The following DNAJC5B variants were observed in gnomAD, a reference collection of about 807,000 sequenced individuals.
DNAJC5B encodes dnaJ homolog subfamily C member 5B.
DNAJC5B carries 23 observed loss-of-function variants against 24.7 expected under a neutral mutation model. The observed-to-expected ratio is 0.93, with a 90% CI of 0.67 to 1.32. DNAJC5B has a LOEUF of 1.32. DNAJC5B is among the 40% of genes most tolerant of loss of function. The probability of loss-of-function intolerance (pLI) is 0.00; values close to 1 mark genes in which losing one functional copy is unlikely to be tolerated. For synonymous variants in DNAJC5B, 101 were observed against 90.1 expected (o/e 1.12, Z -0.68); for missense variants, 238 against 240.8 (o/e 0.99, Z 0.08).
At chr8:66,057,508 G>GTAC (rs780676911) in intron 3 of DNAJC5B, 3 of 152,158 alleles carry the variant, frequency 2.0e-5, no homozygotes, top group South Asian at 2.1e-4. Flanking sequence ...GACTAAAAGA[G>GTAC]TACTAAAAGA....
intron 1 of DNAJC5B, among the ~76,000 whole-genome samples, chr8:66,031,853 C>CCCA (rs1806367273): frequency 6.6e-6 from 1 of 152,204 alleles, no homozygotes; most frequent in Admixed American, 6.5e-5. Flanking sequence ...ACCCAAAACA[C>CCCA]CCACGCAGAC....
At chr8:66,091,803 G>A (rs1807854438) in intron 5 of DNAJC5B, among the ~76,000 whole-genome samples, 1 of 152,050 alleles carries the variant, frequency 6.6e-6, no homozygotes, top group African/African-American at 2.4e-5. Flanking sequence ...AAAATATAGA[G>A]GGGAGGTGAA....
intron 1 of DNAJC5B, among the ~76,000 whole-genome samples, chr8:66,041,382 G>A (rs1586073070): frequency 6.6e-6 from 1 of 152,268 alleles, no homozygotes; most frequent in Admixed American, 6.5e-5. Flanking sequence ...TAATTGATCT[G>A]GTACCTGCTG....
chr8:66,020,398 A>G (rs1165322841), upstream of DNAJC5B, among the ~76,000 whole-genome samples: 2 of 152,232 alleles, frequency 1.3e-5, no homozygotes, highest in African/African-American at 2.4e-5. Flanking sequence ...TTAAAGCACA[A>G]TTCTCTGACT....
intron 1 of DNAJC5B, among the ~76,000 whole-genome samples, chr8:66,032,288 A>G (rs754897207): frequency 3.9e-5 from 6 of 152,168 alleles, no homozygotes; most frequent in African/African-American, 1.4e-4. Flanking sequence ...GCTGGCCAAC[A>G]CTCAGGGCAG....
intron 1 of DNAJC5B, among the ~76,000 whole-genome samples, chr8:66,032,776 C>A (rs569755831): frequency 6.6e-6 from 1 of 152,230 alleles, no homozygotes; most frequent in African/African-American, 2.4e-5. Context: ...TGCTCCTCAT[C>A]GCTTGATACA....
At chr8:66,045,554 A>C (rs2128958797) in intron 2 of DNAJC5B, among the ~76,000 whole-genome samples, 1 of 152,326 alleles carries the variant, frequency 6.6e-6, no homozygotes, top group Non-Finnish European at 1.5e-5. Context: ...AAACTCTTCG[A>C]GAAATGGAAT....
At chr8:66,097,857 CT>C (rs1048934191) in intron 5 of DNAJC5B, among the ~76,000 whole-genome samples, 1 of 151,164 alleles carries the variant, frequency 6.6e-6, no homozygotes, top group Non-Finnish European at 1.5e-5. Flanking sequence ...CTTGTCTTTT[CT>C]TTTTTTTTGA....
chr8:66,016,341 C>G, the DNAJC5B span, among the ~76,000 whole-genome samples: 5 of 152,172 alleles, frequency 3.3e-5, no homozygotes, highest in South Asian at 1.0e-3. Flanking sequence ...GGTGGTTTCC[C>G]TTATGCTGTT....
intron 3 of DNAJC5B, among the ~76,000 whole-genome samples, chr8:66,066,179 G>A (rs757980922): frequency 1.3e-5 from 2 of 152,126 alleles, no homozygotes; most frequent in African/African-American, 4.8e-5. Context: ...CCACAATGAG[G>A]TATCGCCTTA....
chr8:66,032,124 A>G (rs1806372661), intron 1 of DNAJC5B, among the ~76,000 whole-genome samples: 1 of 152,262 alleles, frequency 6.6e-6, no homozygotes, highest in African/African-American at 2.4e-5. Flanking sequence ...CAGCACAGCT[A>G]GTAAATGGCA....
At chr8:66,053,229 T>G (rs111829490) in intron 3 of DNAJC5B, among the ~76,000 whole-genome samples, 80 of 152,356 alleles carry the variant, frequency 5.3e-4, no homozygotes, top group African/African-American at 1.8e-3. Context: ...AGTTTCACAT[T>G]GAAGTCTAAA....
intron 5 of DNAJC5B, among the ~76,000 whole-genome samples, chr8:66,085,757 A>C (rs117743055): frequency 7.9e-5 from 12 of 152,124 alleles, no homozygotes; most frequent in Non-Finnish European, 1.5e-4. Context: ...TTTTTTTTAC[A>C]AAATTGTTTT....
intron 2 of DNAJC5B, among the ~76,000 whole-genome samples, chr8:66,049,727 G>A (rs948797223): frequency 2.6e-5 from 4 of 152,194 alleles, no homozygotes; most frequent in African/African-American, 9.7e-5. Flanking sequence ...ATTATCTTCA[G>A]TAACCTGTAT....
chr8:66,066,490 C>T (rs1166621057), intron 3 of DNAJC5B, among the ~76,000 whole-genome samples: 2 of 152,100 alleles, frequency 1.3e-5, no homozygotes, highest in Non-Finnish European at 2.9e-5. Context: ...AAGTGCCCAT[C>T]GACCAATGAG....
chr8:66,095,716 C>T (rs6992031), intron 5 of DNAJC5B, among the ~76,000 whole-genome samples: 12,465 of 150,536 alleles, frequency 0.083, 869 homozygotes, highest in African/African-American at 0.18. Context: ...TTATATTGTT[C>T]TCATCATCTG....
the DNAJC5B span, among the ~76,000 whole-genome samples, chr8:66,015,665 C>T: frequency 6.6e-6 from 1 of 152,082 alleles, no homozygotes; most frequent in East Asian, 1.9e-4. Context: ...GGGCTCAGGT[C>T]ACATAGAGAG....
upstream of DNAJC5B, among the ~76,000 whole-genome samples, chr8:66,020,761 C>T (rs1156925909): frequency 6.6e-6 from 1 of 152,062 alleles, no homozygotes; most frequent in Non-Finnish European, 1.5e-5. Flanking sequence ...TGTCAGCCTC[C>T]TGAGTAGTTA....
intron 1 of DNAJC5B, among the ~76,000 whole-genome samples, chr8:66,034,547 G>A (rs934524340): frequency 4.6e-5 from 7 of 151,948 alleles, no homozygotes; most frequent in African/African-American, 1.5e-4. Flanking sequence ...TAAGCATCAC[G>A]TGCATGAGGG....
Sources: gnomAD v4.1 joint callset for allele counts (sites outside exome capture counted in the v4.1 genomes callset) on GRCh38, gnomAD v4.1.1 for gene constraint, MANE v1.5 for transcripts, NCBI Gene and HGNC (gene_info 2026-07-23, HGNC 2026-07-21) for gene names.